Variants in DPP10 observed in about 807,000 individuals in gnomAD.
The protein encoded by DPP10 is inactive dipeptidyl peptidase 10.
DPP10 carries 33 observed loss-of-function variants against 120.9 expected under a neutral mutation model. That is an observed-to-expected ratio of 0.27 (90% CI 0.21 to 0.37). DPP10 has a LOEUF of 0.37. Ranked by LOEUF, DPP10 falls within the 10% of genes least tolerant of loss-of-function variation. The probability of loss-of-function intolerance (pLI) is 1.00; values close to 1 mark genes in which losing one functional copy is unlikely to be tolerated. For missense variants in DPP10, 816 were observed against 942.8 expected (o/e 0.87, Z 1.76); for synonymous variants, 337 against 326.1 (o/e 1.03, Z -0.36).
chr2:115,572,627 G>T (rs2081404441), intron 5 of DPP10, among the ~76,000 whole-genome samples: 1 of 152,094 alleles, frequency 6.6e-6, no homozygotes, highest in South Asian at 2.1e-4. Context: ...ACAGAATAAA[G>T]GTCATCTGAT....
At chr2:115,451,332 AAAG>A (rs1226215787) in intron 3 of DPP10, among the ~76,000 whole-genome samples, 1 of 151,934 alleles carries the variant, frequency 6.6e-6, no homozygotes, top group Non-Finnish European at 1.5e-5. Context: ...AACTTCTAAT[AAAG>A]AAGATTCTTT....
At chr2:115,229,170 GTCT>G (rs2057602658) in intron 1 of DPP10, among the ~76,000 whole-genome samples, 1 of 152,050 alleles carries the variant, frequency 6.6e-6, no homozygotes, top group African/African-American at 2.4e-5. Context: ...GCCATTTGTA[GTCT>G]TCTTTTAAGA....
chr2:115,611,300 A>T (rs2084082067), intron 5 of DPP10, among the ~76,000 whole-genome samples: 1 of 152,198 alleles, frequency 6.6e-6, no homozygotes, highest in South Asian at 2.1e-4. Flanking sequence ...CAAAAACCGA[A>T]TCTTAATCTA....
intron 1 of DPP10, among the ~76,000 whole-genome samples, chr2:114,463,648 G>C (rs1679114164): frequency 6.6e-6 from 1 of 152,060 alleles, no homozygotes; most frequent in Non-Finnish European, 1.5e-5. Context: ...TAATCTACTA[G>C]TTATTTTAAA....
Position 115,186,055 on chromosome 2 carries a change from G to C in DPP10, c.61-123184G>C, listed in dbSNP as rs556288507. ...TGAGTTTCACACAATTTATTGATTA[G>C]TTGAACTTTTAAAAAGTCTATTATG... On this transcript the variant is annotated intron_variant, in intron 1 of 25. Transcript: ENST00000410059. Among the ~76,000 whole-genome samples, 236 of 152,300 alleles carry C rather than the reference G, an allele frequency of 1.5e-3. 2 individuals carry two copies. The highest frequency in any genetic ancestry group is 5.5e-3 in the African/African-American group (227 of 41,556).
intron 1 of DPP10, among the ~76,000 whole-genome samples, chr2:115,126,982 T>C (rs929140343): frequency 2.6e-5 from 4 of 152,330 alleles, no homozygotes; most frequent in African/African-American, 4.8e-5. Context: ...AACAACTTTG[T>C]TTAGAATAAA....
intron 5 of DPP10, among the ~76,000 whole-genome samples, chr2:115,664,523 GA>G (rs547542680): frequency 0.021 from 3,114 of 147,632 alleles, 92 homozygotes; most frequent in African/African-American, 0.071. Flanking sequence ...ACTATATTGA[GA>G]AAAAAAAAAC....
intron 1 of DPP10, among the ~76,000 whole-genome samples, chr2:114,980,841 A>G (rs1457624950): frequency 2.0e-5 from 3 of 152,066 alleles, no homozygotes. Context: ...TTTTTTTTAC[A>G]ATAAGCATGT....
chr2:115,191,967 A>G (rs2054914650), intron 1 of DPP10, among the ~76,000 whole-genome samples: 1 of 152,220 alleles, frequency 6.6e-6, no homozygotes, highest in Non-Finnish European at 1.5e-5. Flanking sequence ...CAGTCCATAA[A>G]GCATCTCATA....
At chr2:114,950,109 A>T (rs1697662668) in intron 1 of DPP10, among the ~76,000 whole-genome samples, 2 of 152,110 alleles carry the variant, frequency 1.3e-5, no homozygotes, top group Admixed American at 6.5e-5. Flanking sequence ...TGTGTTTAAG[A>T]TTATCTTTCC....
At chr2:115,378,763 C>A (rs571772857) in intron 3 of DPP10, among the ~76,000 whole-genome samples, 1 of 152,068 alleles carries the variant, frequency 6.6e-6, no homozygotes, top group Non-Finnish European at 1.5e-5. Context: ...TAGCATGAAG[C>A]GTTGTTGAAT....
chr2:115,744,625 T>C (rs2149710564), intron 9 of DPP10, among the ~76,000 whole-genome samples: 1 of 150,452 alleles, frequency 6.6e-6, no homozygotes. Context: ...TTTCTTTGGC[T>C]CAAAACTTCT....
chr2:114,555,948 GA>G (rs1361294379), intron 1 of DPP10, among the ~76,000 whole-genome samples: 1 of 152,082 alleles, frequency 6.6e-6, no homozygotes, highest in African/African-American at 2.4e-5. Flanking sequence ...GCATGGATGG[GA>G]AGATAAGAGG....
chr2:114,503,107 T>C (rs1683338739), intron 1 of DPP10, among the ~76,000 whole-genome samples: 1 of 152,214 alleles, frequency 6.6e-6, no homozygotes, highest in Admixed American at 6.5e-5. Flanking sequence ...AAGATGCTTT[T>C]GGCTGCTGCA....
At chr2:114,682,754 A>G (rs1270589477) in intron 1 of DPP10, among the ~76,000 whole-genome samples, 3 of 144,866 alleles carry the variant, frequency 2.1e-5, no homozygotes, top group Non-Finnish European at 4.5e-5. Flanking sequence ...ATATCTATCT[A>G]TCTATCTATC....
chr2:114,656,886 C>T (rs758299475), intron 1 of DPP10, among the ~76,000 whole-genome samples: 8 of 151,976 alleles, frequency 5.3e-5, no homozygotes, highest in Non-Finnish European at 1.0e-4. Flanking sequence ...GTCTTTCAGC[C>T]TAAGTGGTCA....
chr2:114,581,429 C>T (rs544614330), intron 1 of DPP10, among the ~76,000 whole-genome samples: 1 of 151,948 alleles, frequency 6.6e-6, no homozygotes, highest in Non-Finnish European at 1.5e-5. Context: ...GTGATCAGCC[C>T]ACCTCGGCCT....
At chr2:114,664,519 CTCAGGA>C (rs912155295) in intron 1 of DPP10, among the ~76,000 whole-genome samples, 1 of 151,044 alleles carries the variant, frequency 6.6e-6, no homozygotes, top group African/African-American at 2.4e-5. Flanking sequence ...ATCCCAGCTA[CTCAGGA>C]GGCTGAGGCA....
chr2:115,624,639 T>A (rs1224716915), intron 5 of DPP10, among the ~76,000 whole-genome samples: 2 of 152,212 alleles, frequency 1.3e-5, no homozygotes, highest in Non-Finnish European at 2.9e-5. Flanking sequence ...GTATAATCAA[T>A]GGAGTTAATA....
Sources: allele counts gnomAD v4.1 joint callset (sites outside exome capture counted in the v4.1 genomes callset), GRCh38; gene constraint gnomAD v4.1.1; transcripts MANE v1.5; gene names NCBI Gene and HGNC (gene_info 2026-07-23, HGNC 2026-07-21).